Variants in CHD7 observed in about 807,000 individuals in gnomAD.
CHD7 encodes chromodomain helicase DNA binding protein 7.
In CHD7, 24 loss-of-function variants were observed where a neutral mutation model predicts 307.3. The observed-to-expected ratio is 0.08, with a 90% CI of 0.06 to 0.11. CHD7 has a LOEUF of 0.11. Ranked by LOEUF, CHD7 falls within the 10% of genes least tolerant of loss-of-function variation. The pLI is 1.00. For missense variants in CHD7, 3,106 were observed against 3,727.1 expected, an observed-to-expected ratio of 0.83 and a Z score of 4.34; for synonymous variants, 1,363 against 1,349.9, an observed-to-expected ratio of 1.01 and a Z score of -0.21.
chr8:60,800,233 C>T, intron 4 of CHD7, among the ~76,000 whole-genome samples, 155 bp from the exon 5 acceptor site: 1 of 152,068 alleles, frequency 6.6e-6, no homozygotes, highest in African/African-American at 2.4e-5. Flanking sequence ...GGTGTTTCAC[C>T]ATGTTAGCCA....
At chr8:60,794,853 T>A in intron 3 of CHD7, 133 bp from the exon 4 acceptor site, 1 of 764,792 alleles carries the variant, frequency 1.3e-6, no homozygotes, top group South Asian at 2.7e-5. Flanking sequence ...GGAGTTGCAT[T>A]TAACTGTAAA....
chr8:60,694,109 A>T (rs1039661693), intron 1 of CHD7, among the ~76,000 whole-genome samples: 1 of 152,374 alleles, frequency 6.6e-6, no homozygotes, highest in South Asian at 2.1e-4. Context: ...GAATTCAATA[A>T]TGTTTTCAGA....
In CHD7 at chr8:60,866,143, G is replaced by T. The variant is rs1806235745; in HGVS notation, c.*210G>T. On this transcript the variant is annotated 3_prime_UTR_variant, in exon 38 of 38. Transcript: ENST00000423902. ...AGTGCATTATTTATTATCCCTAGGA[G>T]AGATGAAATTTGAGAGGTGATCATG... 2.3e-6 allele frequency: 1 copy of T among 436,188 alleles called. No homozygotes were observed. The highest frequency in any genetic ancestry group is 2.0e-5 in the African/African-American group (1 of 50,026). 27.0% of individuals were successfully genotyped at this position (436,188 alleles called of 1,614,324 possible). A position where few individuals can be genotyped will look rare whatever the true frequency, so the allele number is the denominator to read the frequency against.
At chr8:60,684,718 G>A (rs1188000837) in intron 1 of CHD7, among the ~76,000 whole-genome samples, 1 of 152,164 alleles carries the variant, frequency 6.6e-6, no homozygotes, top group African/African-American at 2.4e-5. Flanking sequence ...AGGGCTTTCA[G>A]GATATCAAAT....
rs532357445 is a variant in CHD7, at chr8:60,803,380, T to C, written c.2442+1787T>C. 6.6e-5 allele frequency among the ~76,000 whole-genome samples: 10 copies of C among 152,330 alleles called. No homozygotes were observed. The East Asian group carries it at 1.7e-3, about 26-fold the overall frequency. ...TATTATGTAGAACATTGCTTTTTCTTTCTGTTTTGCCCACTTTAGGGTTTT... is the reference window on the plus strand; with the variant it reads ...TATTATGTAGAACATTGCTTTTTCTCTCTGTTTTGCCCACTTTAGGGTTTT... On this transcript the variant is annotated intron_variant, in intron 6 of 37. Coordinates refer to ENST00000423902, the MANE Select transcript of CHD7 (RefSeq NM_017780.4).
Position 60,866,168 on chromosome 8 carries a change from G to T in CHD7, c.*235G>T. 1 of 374,666 alleles carries T rather than the reference G, an allele frequency of 2.7e-6. No homozygotes were observed. Among genetic ancestry groups the T allele is most frequent in the Non-Finnish European group, 4.8e-6 (1 of 209,266 alleles). 23.2% of individuals were successfully genotyped at this position (374,666 alleles called of 1,614,324 possible). On this transcript the variant is annotated 3_prime_UTR_variant, in exon 38 of 38. Coordinates refer to ENST00000423902, the MANE Select transcript of CHD7 (RefSeq NM_017780.4). The stretch of plus-strand genomic sequence containing the variant: ...GAGATGAAATTTGAGAGGTGATCAT[G>T]TCTTTTTAAGGAAACTTACATAATG...
chr8:60,747,720 C>T (rs896554086), intron 2 of CHD7, among the ~76,000 whole-genome samples: 2 of 152,174 alleles, frequency 1.3e-5, no homozygotes, highest in Non-Finnish European at 2.9e-5. Context: ...AATTTTAGAA[C>T]CACTGGTATG....
intron 29 of CHD7, 50 bp downstream of exon 29, chr8:60,852,297 C>T: frequency 2.0e-6 from 3 of 1,523,490 alleles, no homozygotes; most frequent in Non-Finnish European, 2.7e-6. Flanking sequence ...GCCCCTCTGC[C>T]CTGCTCCTGT....
At chr8:60,775,723 A>G (rs1810919741) in intron 2 of CHD7, among the ~76,000 whole-genome samples, 1 of 152,210 alleles carries the variant, frequency 6.6e-6, no homozygotes, top group Non-Finnish European at 1.5e-5. Flanking sequence ...GGGCTTGGAA[A>G]GTCCTGCAGT....
At chr8:60,807,679 T>G (rs1002608894) in intron 6 of CHD7, among the ~76,000 whole-genome samples, 1 of 152,268 alleles carries the variant, frequency 6.6e-6, no homozygotes, top group Non-Finnish European at 1.5e-5. Flanking sequence ...TGAATAGTGA[T>G]GCACTGAAAT....
At chr8:60,721,409 C>T (rs1282918172) in intron 1 of CHD7, among the ~76,000 whole-genome samples, 2 of 152,168 alleles carry the variant, frequency 1.3e-5, no homozygotes, top group Admixed American at 1.3e-4. Flanking sequence ...GCCTTGCCAG[C>T]ACCTTCGTCT....
chr8:60,855,387 T>C (rs137905623), intron 32 of CHD7, among the ~76,000 whole-genome samples: 3 of 152,346 alleles, frequency 2.0e-5, no homozygotes, highest in South Asian at 2.1e-4. Flanking sequence ...AAAGCTGTAA[T>C]TAGAAATTTT....
chr8:60,853,378 T>C lies in CHD7; in HGVS notation c.6653T>C (p.Leu2218Pro), dbSNP rs767236681. Residue 2218 changes from leucine to proline, a missense_variant, in exon 31 of 38, where the codon CTG becomes CCG. Physicochemically the swap from Leu to Pro is moderately conservative, Grantham distance 98. Coordinates refer to ENST00000423902, the MANE Select transcript of CHD7 (RefSeq NM_017780.4). ...EAEASSVKNE[L>P]KGVEVGADTG... Reference sequence around the variant, plus strand: ...GAGGCCAGCTCTGTGAAAAATGAACTGAAAGGTGTTGAGGTCGGCGCAGAC... The same window carrying C: ...GAGGCCAGCTCTGTGAAAAATGAACCGAAAGGTGTTGAGGTCGGCGCAGAC... The C allele has an allele frequency of 1.3e-6, 2 of 1,549,942 alleles. No individual in the cohort carries two copies. The highest frequency in any genetic ancestry group is 4.5e-5 in the East Asian group (2 of 44,368).
intron 32 of CHD7, among the ~76,000 whole-genome samples, chr8:60,855,743 G>A (rs1805669579): frequency 6.6e-6 from 1 of 152,208 alleles, no homozygotes; most frequent in South Asian, 2.1e-4. Context: ...ATTAAAAATA[G>A]CATGTTTTCT....
chr8:60,795,215 T>G lies in CHD7; in HGVS notation c.2238+88T>G, dbSNP rs540329203. On this transcript the variant is annotated intron_variant, in intron 4 of 37. Transcript: ENST00000423902. The stretch of plus-strand genomic sequence containing the variant: ...TGAAGTACACAAGACCTCCCCTATC[T>G]TGTTATAGAGATGCTCTTGAGATGT... 1.4e-5 allele frequency: 18 copies of G among 1,250,876 alleles called. No homozygotes were observed. The South Asian group carries it at 2.6e-4, about 18-fold the overall frequency. 77.5% of individuals were successfully genotyped at this position (1,250,876 alleles called of 1,614,324 possible). A position where few individuals can be genotyped will look rare whatever the true frequency, so the allele number is the denominator to read the frequency against.
intron 1 of CHD7, among the ~76,000 whole-genome samples, chr8:60,686,146 C>G (rs1319117155): frequency 6.6e-6 from 1 of 152,140 alleles, no homozygotes; most frequent in African/African-American, 2.4e-5. Context: ...TTTGTAGGGA[C>G]ATGCTTCATG....
chr8:60,787,352 A>G (rs73251183), intron 3 of CHD7, among the ~76,000 whole-genome samples: 2,042 of 152,282 alleles, frequency 0.013, 49 homozygotes, highest in African/African-American at 0.046. Flanking sequence ...CCCCCTTCCT[A>G]CTTCATAGGA....
chr8:60,807,719 A>G (rs1812601758), intron 6 of CHD7, among the ~76,000 whole-genome samples: 1 of 152,224 alleles, frequency 6.6e-6, no homozygotes, highest in South Asian at 2.1e-4. Flanking sequence ...TTACTTTTAT[A>G]TGGTTTCTTG....
At chr8:60,746,408 C>T (rs1195600609) in intron 2 of CHD7, among the ~76,000 whole-genome samples, 2 of 152,192 alleles carry the variant, frequency 1.3e-5, no homozygotes, top group African/African-American at 4.8e-5. Flanking sequence ...TAAAATCTCT[C>T]TCTCTGAATG....
Sources: gnomAD v4.1 joint callset for allele counts (sites outside exome capture counted in the v4.1 genomes callset) on GRCh38, gnomAD v4.1.1 for gene constraint, MANE v1.5 for transcripts, NCBI Gene and HGNC (gene_info 2026-07-23, HGNC 2026-07-21) for gene names.